The following BCAR3 variants were observed in gnomAD, a reference collection of about 807,000 sequenced individuals.
BCAR3 encodes the protein BCAR3 adaptor protein, NSP family member, also known as breast cancer anti-estrogen resistance protein 3.
Under a neutral mutation model 80.1 loss-of-function variants are expected in BCAR3, and 37 were observed. The observed-to-expected ratio is 0.46, with a 90% CI of 0.36 to 0.61. BCAR3 has a LOEUF of 0.61. Ranked by LOEUF, BCAR3 falls within the 20% of genes least tolerant of loss-of-function variation. The pLI, the probability that BCAR3 is intolerant of heterozygous loss-of-function variation, is 0.00. For synonymous variants in BCAR3, 389 were observed against 418.9 expected (o/e 0.93, Z 0.87); for missense variants, 978 against 1,068.2 (o/e 0.92, Z 1.18).
At position 93,592,453 on chromosome 1, in the gene BCAR3, T is replaced by A. The variant is rs546156943; in HGVS notation, c.358-60A>T. 1 of 1,518,262 alleles carries A rather than the reference T, an allele frequency of 6.6e-7. No homozygotes were observed. Among genetic ancestry groups the A allele is most frequent in the African/African-American group, 1.4e-5 (1 of 71,730 alleles). 94.0% of individuals were successfully genotyped at this position (1,518,262 alleles called of 1,614,324 possible). A position where few individuals can be genotyped will look rare whatever the true frequency, so the allele number is the denominator to read the frequency against. ...CCAGGCCACACCAGGCCATGCCAGC[T>A]GGAGGTGACCGCCTGCTTCACTAAT... On this transcript the variant is annotated intron_variant, in intron 3 of 11. Coordinates refer to ENST00000260502, the MANE Select transcript of BCAR3 (RefSeq NM_003567.4). This position sits in a 1 kb window ranked among gnomAD's most constrained non-coding sequence, Gnocchi z 4.8.
chr1:93,591,316 A>C (rs1177057810), intron 4 of BCAR3, among the ~76,000 whole-genome samples: 1 of 152,002 alleles, frequency 6.6e-6, no homozygotes, highest in African/African-American at 2.4e-5. Context: ...CTCTACTAAA[A>C]ATATAAAAGT....
intron 2 of BCAR3, among the ~76,000 whole-genome samples, chr1:93,732,512 A>C (rs1650824720): frequency 6.6e-6 from 1 of 152,132 alleles, no homozygotes; most frequent in Admixed American, 6.6e-5. Context: ...CTACTCCCAG[A>C]AGGCTGAGGT....
intron 3 of BCAR3, among the ~76,000 whole-genome samples, chr1:93,618,304 G>A (rs1363443095): frequency 6.6e-6 from 1 of 152,204 alleles, no homozygotes; most frequent in Non-Finnish European, 1.5e-5. Context: ...TTAGGAGTGC[G>A]TGCTGTACAT....
At chr1:93,801,143 A>T (rs1350656423) in intron 2 of BCAR3, among the ~76,000 whole-genome samples, 2 of 151,982 alleles carry the variant, frequency 1.3e-5, no homozygotes, top group Non-Finnish European at 2.9e-5. Flanking sequence ...GTATTCTGCA[A>T]TTTTTCTTTA....
Position 93,823,846 on chromosome 1 carries a change from C to T in BCAR3, c.-63+21721G>A, listed in dbSNP as rs1421290482. Among the ~76,000 whole-genome samples, 4 of 133,514 alleles carry T rather than the reference C, an allele frequency of 3.0e-5. 1 individual carries two copies. Among genetic ancestry groups the T allele is most frequent in the African/African-American group, 1.0e-4 (4 of 39,736 alleles). The allele number at this position is 133,514 out of a possible 152,430, so 87.6% of individuals were successfully genotyped here. A position where few individuals can be genotyped will look rare whatever the true frequency, so the allele number is the denominator to read the frequency against. The stretch of plus-strand genomic sequence containing the variant: ...TCCCAAGTAGCTGGGATTACAGGCA[C>T]GTGCCACCACGCCCAGCTAATTTTT... On this transcript the variant is annotated intron_variant, in intron 2 of 13. Transcript: ENST00000370244.
chr1:93,662,813 G>A (rs994734805), intron 2 of BCAR3, among the ~76,000 whole-genome samples: 5 of 152,086 alleles, frequency 3.3e-5, no homozygotes, highest in Non-Finnish European at 5.9e-5. Flanking sequence ...TTCAAAAATC[G>A]TTGTCTTGAT....
At chr1:93,607,715 C>G (rs996147299) in intron 3 of BCAR3, among the ~76,000 whole-genome samples, 1 of 152,216 alleles carries the variant, frequency 6.6e-6, no homozygotes, top group Non-Finnish European at 1.5e-5. Context: ...GAAGCTCTTT[C>G]CCTCTCCTGT....
chr1:93,588,946 T>G (rs1303303061), intron 5 of BCAR3, 31 bp downstream of exon 5: 1 of 1,519,494 alleles, frequency 6.6e-7, no homozygotes, highest in African/African-American at 1.4e-5. Context: ...CCGGCGCCCC[T>G]CATAGTCCTG....
chr1:93,681,469 G>C (rs990460752), intron 1 of BCAR3, 129 bp downstream of exon 1: 2 of 152,270 alleles, frequency 1.3e-5, no homozygotes, highest in African/African-American at 4.8e-5. Context: ...ACAAACGCCG[G>C]CTCTACTTTC....
chr1:93,720,774 C>G (rs890313790), intron 2 of BCAR3, among the ~76,000 whole-genome samples: 1 of 152,106 alleles, frequency 6.6e-6, no homozygotes, highest in African/African-American at 2.4e-5. Flanking sequence ...CAGACCCACC[C>G]GCCCCTACAC....
rs150294346 is a variant in BCAR3 at position 93,589,123 on chromosome 1, G to A, written c.783C>T (p.Cys261=). ...GGGAGGTGCCATAATGCTCCTCCAG[G>A]CACCGCAGAGGCACCGTCCTGTTGA... The part of the protein sequence containing the change: ...QPINRTVPLR[C]LEEHYGTSPG... Residue 261 remains cysteine (C), a synonymous_variant, in exon 5 of 12, where the codon TGC becomes TGT. Transcript: ENST00000260502. 1 of 1,613,094 alleles carries A rather than the reference G, an allele frequency of 6.2e-7. No homozygotes were observed. The highest frequency in any genetic ancestry group is 1.3e-5 in the African/African-American group (1 of 75,042).
chr1:93,841,266 G>C (rs1474698865), intron 2 of BCAR3, among the ~76,000 whole-genome samples: 1 of 152,208 alleles, frequency 6.6e-6, no homozygotes, highest in Non-Finnish European at 1.5e-5. Flanking sequence ...TCTGCTGTCT[G>C]ACTTTGCTCA....
At chr1:93,818,603 G>A (rs1654097550) in intron 2 of BCAR3, among the ~76,000 whole-genome samples, 1 of 152,220 alleles carries the variant, frequency 6.6e-6, no homozygotes, top group Non-Finnish European at 1.5e-5. Context: ...GGAGGTAACA[G>A]TACTTTCCAT....
intron 2 of BCAR3, among the ~76,000 whole-genome samples, chr1:93,777,413 C>T (rs1012612495): frequency 1.4e-4 from 20 of 143,346 alleles, no homozygotes; most frequent in South Asian, 4.4e-4. Flanking sequence ...TCCTCCTCCT[C>T]TTCCTCCTCC....
At chr1:93,584,186 T>C in intron 5 of BCAR3, 65 bp from the exon 6 acceptor site, 2 of 1,437,318 alleles carry the variant, frequency 1.4e-6, no homozygotes, top group East Asian at 2.3e-5. Flanking sequence ...TTTTAGGCAA[T>C]GCCATGGGAA....
intron 3 of BCAR3, among the ~76,000 whole-genome samples, chr1:93,691,811 G>C (rs969896521): frequency 2.0e-5 from 3 of 152,130 alleles, no homozygotes; most frequent in African/African-American, 7.2e-5. Flanking sequence ...AAGACCAAGA[G>C]TTCTCAGCCT....
At chr1:93,836,773 C>A (rs1444143975) in intron 2 of BCAR3, among the ~76,000 whole-genome samples, 1 of 152,126 alleles carries the variant, frequency 6.6e-6, no homozygotes, top group East Asian at 1.9e-4. Flanking sequence ...CGGTTCCTGC[C>A]TTATCTGATG....
At chr1:93,767,709 A>T (rs539785434) in intron 2 of BCAR3, among the ~76,000 whole-genome samples, 1 of 152,252 alleles carries the variant, frequency 6.6e-6, no homozygotes, top group Non-Finnish European at 1.5e-5. Flanking sequence ...AAATATATAA[A>T]CTATTTTTGG....
At chr1:93,691,764 TC>T (rs1649199444) in intron 3 of BCAR3, among the ~76,000 whole-genome samples, 1 of 151,844 alleles carries the variant, frequency 6.6e-6, no homozygotes, top group Non-Finnish European at 1.5e-5. Context: ...TATCCCATTT[TC>T]CAGGAAAAAA....
Sources: allele counts gnomAD v4.1 joint callset (sites outside exome capture counted in the v4.1 genomes callset), GRCh38; gene constraint gnomAD v4.1.1; non-coding constraint Gnocchi (gnomAD v3.1); transcripts MANE v1.5; gene names NCBI Gene and HGNC (gene_info 2026-07-23, HGNC 2026-07-21).